Variants in MAP4K3 observed in about 807,000 individuals in gnomAD.
The protein encoded by MAP4K3 is mitogen-activated protein kinase kinase kinase kinase 3, also known as MAPK/ERK kinase kinase kinase 3.
In MAP4K3, 94 loss-of-function variants were observed where a neutral mutation model predicts 143.5. The ratio of observed to expected loss-of-function variants is 0.65; its 90% CI spans 0.55 to 0.78. MAP4K3 has a LOEUF of 0.78. MAP4K3 is among the 30% of genes least tolerant of loss of function. The probability of loss-of-function intolerance (pLI) is 0.00; values close to 1 mark genes in which losing one functional copy is unlikely to be tolerated. For missense variants in MAP4K3, 1,077 were observed against 1,068.1 expected (o/e 1.01, Z -0.12); for synonymous variants, 416 against 347.2 (o/e 1.20, Z -2.20).
intron 24 of MAP4K3, 65 bp from the exon 25 acceptor site, chr2:39,272,607 A>T: frequency 7.9e-7 from 1 of 1,269,732 alleles, no homozygotes; most frequent in East Asian, 2.3e-5. Flanking sequence ...ATCTGTACAC[A>T]GTAATCACGT....
At chr2:39,368,478 G>A (rs1414032713) in intron 2 of MAP4K3, among the ~76,000 whole-genome samples, 2 of 151,930 alleles carry the variant, frequency 1.3e-5, no homozygotes, top group South Asian at 2.1e-4. Context: ...ACCAGCTTGG[G>A]CAACACAACG....
chr2:39,312,839 C>T (rs866476945), intron 13 of MAP4K3, among the ~76,000 whole-genome samples: 50 of 152,188 alleles, frequency 3.3e-4, no homozygotes, highest in Non-Finnish European at 5.9e-5. Context: ...TTCCAAAATG[C>T]GGTCTGTAAT....
chr2:39,363,992 T>TAAA (rs70957104), intron 2 of MAP4K3, among the ~76,000 whole-genome samples: 17 of 129,094 alleles, frequency 1.3e-4, no homozygotes, highest in African/African-American at 3.7e-4. Flanking sequence ...ATAGCCATTA[T>TAAA]AAAAAAAAAA....
At chr2:39,369,194 T>G (rs1213595681) in intron 2 of MAP4K3, among the ~76,000 whole-genome samples, 1 of 71,180 alleles carries the variant, frequency 1.4e-5, no homozygotes, top group Non-Finnish European at 2.5e-5. Context: ...TTTGGGCTAG[T>G]TTTTTTTTTT....
intron 4 of MAP4K3, 120 bp downstream of exon 4, chr2:39,343,268 C>A (rs1665191805): frequency 7.9e-6 from 5 of 636,470 alleles, no homozygotes; most frequent in Non-Finnish European, 1.3e-5. Context: ...TATAGCCAAA[C>A]AATATAACAA....
At chr2:39,282,457 T>C in intron 22 of MAP4K3, 56 bp downstream of exon 22, 2 of 1,382,182 alleles carry the variant, frequency 1.4e-6, no homozygotes, top group East Asian at 2.3e-5. Context: ...TAAGCAAAGA[T>C]AACACACACA....
intron 31 of MAP4K3, among the ~76,000 whole-genome samples, chr2:39,256,471 G>C (rs567326518): frequency 6.6e-6 from 1 of 152,196 alleles, no homozygotes; most frequent in South Asian, 2.1e-4. Flanking sequence ...ATTAATGACA[G>C]ATTTTACTGA....
intron 12 of MAP4K3, chr2:39,323,918 C>T (rs1357653775): frequency 1.3e-5 from 2 of 151,914 alleles, no homozygotes; most frequent in African/African-American, 2.4e-5. Context: ...TATGCTTTAA[C>T]AAAAAATTTT....
intron 18 of MAP4K3, among the ~76,000 whole-genome samples, chr2:39,291,572 A>G (rs1442128125): frequency 6.6e-6 from 1 of 152,218 alleles, no homozygotes; most frequent in East Asian, 1.9e-4. Context: ...AGGATTCATT[A>G]TAACTCAGGA....
At chr2:39,382,029 G>A (rs887473139) in intron 1 of MAP4K3, among the ~76,000 whole-genome samples, 1 of 152,160 alleles carries the variant, frequency 6.6e-6, no homozygotes, top group Non-Finnish European at 1.5e-5. Flanking sequence ...GACCGATCTC[G>A]GCTTAGAGGG....
At chr2:39,303,304 T>A (rs1682578671) in intron 15 of MAP4K3, among the ~76,000 whole-genome samples, 1 of 152,168 alleles carries the variant, frequency 6.6e-6, no homozygotes, top group Non-Finnish European at 1.5e-5. Flanking sequence ...AATTCAAATA[T>A]TTTTTATTTC....
intron 31 of MAP4K3, among the ~76,000 whole-genome samples, chr2:39,258,140 C>G (rs772760664): frequency 6.6e-6 from 1 of 152,100 alleles, no homozygotes; most frequent in African/African-American, 2.4e-5. Flanking sequence ...CCATGTTGGC[C>G]AGGCTGGTTT....
chr2:39,398,195 T>C (rs185561474), intron 1 of MAP4K3, among the ~76,000 whole-genome samples: 3 of 152,092 alleles, frequency 2.0e-5, no homozygotes, highest in African/African-American at 7.2e-5. Context: ...TTAATCAGTA[T>C]GAAATTGCCT....
At chr2:39,432,649 G>C (rs1558355490) in intron 1 of MAP4K3, among the ~76,000 whole-genome samples, 1 of 152,190 alleles carries the variant, frequency 6.6e-6, no homozygotes. Flanking sequence ...TCTCACAAAT[G>C]CTGATTATAA....
intron 1 of MAP4K3, among the ~76,000 whole-genome samples, chr2:39,409,341 G>T (rs1025118984): frequency 1.3e-5 from 2 of 152,162 alleles, no homozygotes; most frequent in African/African-American, 4.8e-5. Flanking sequence ...AAGTCAAAAA[G>T]TTATACATGG....
intron 15 of MAP4K3, among the ~76,000 whole-genome samples, chr2:39,301,204 T>C (rs992359428): frequency 1.1e-4 from 17 of 152,212 alleles, no homozygotes; most frequent in African/African-American, 4.1e-4. Context: ...TCTTCAATAT[T>C]TGTGTTATTC....
At chr2:39,322,407 T>C (rs902053429) in intron 12 of MAP4K3, among the ~76,000 whole-genome samples, 31 of 152,126 alleles carry the variant, frequency 2.0e-4, no homozygotes, top group Admixed American at 2.0e-3. Flanking sequence ...AATCTTATAA[T>C]GCTGTACATA....
At chr2:39,421,519 T>C (rs147745837) in intron 1 of MAP4K3, among the ~76,000 whole-genome samples, 3 of 152,098 alleles carry the variant, frequency 2.0e-5, no homozygotes, top group Non-Finnish European at 4.4e-5. Flanking sequence ...CCTGGGCCTA[T>C]TCTTGACCTT....
rs1665607168 is a variant in MAP4K3 at position 39,356,233 on chromosome 2, GAAAC to G, written c.245+12_245+15del. The G allele has an allele frequency of 1.3e-6, 2 of 1,482,878 alleles. No individual in the cohort carries two copies. 91.9% of individuals were successfully genotyped at this position (1,482,878 alleles called of 1,614,324 possible). ...GAAATCATTATTGCTTTTCAAAAGG[GAAAC>G]AAACAGTATACCTGAGATAGCTTCC... On this transcript the variant is annotated intron_variant, in intron 3 of 33. Coordinates refer to ENST00000263881, the MANE Select transcript of MAP4K3 (RefSeq NM_003618.4).
Sources: allele counts gnomAD v4.1 joint callset (sites outside exome capture counted in the v4.1 genomes callset), GRCh38; gene constraint gnomAD v4.1.1; transcripts MANE v1.5; gene names NCBI Gene and HGNC (gene_info 2026-07-23, HGNC 2026-07-21).